Variants in JPH1 observed in about 807,000 individuals in gnomAD.
JPH1 encodes junctophilin 1.
Under a neutral mutation model 53.6 loss-of-function variants are expected in JPH1, and 12 were observed. The observed-to-expected ratio is 0.22, with a 90% CI of 0.14 to 0.36. JPH1 has a LOEUF of 0.36. JPH1 is among the 10% of genes least tolerant of loss of function. The pLI is 1.00. For missense variants in JPH1, 808 were observed against 905.5 expected (o/e 0.89, Z 1.38); for synonymous variants, 375 against 363.8 (o/e 1.03, Z -0.35).
chr8:74,307,588 ATTTC>A (rs1432913548), intron 2 of JPH1, among the ~76,000 whole-genome samples: 3 of 152,230 alleles, frequency 2.0e-5, no homozygotes, highest in Admixed American at 6.5e-5. Flanking sequence ...TTGTCCTAAA[ATTTC>A]TTTAACTATT....
intron 4 of JPH1, 33 bp from the exon 5 acceptor site, chr8:74,237,336 T>A: frequency 6.6e-7 from 1 of 1,505,086 alleles, no homozygotes; most frequent in African/African-American, 1.4e-5. Flanking sequence ...TAACTATAAC[T>A]TCTCCATGTT....
chr8:74,290,549 T>C (rs1204637715), intron 2 of JPH1, among the ~76,000 whole-genome samples: 1 of 152,204 alleles, frequency 6.6e-6, no homozygotes, highest in African/African-American at 2.4e-5. Flanking sequence ...AAAATGGCTA[T>C]ACTGCCCAAG....
At chr8:74,301,219 C>T (rs1807672617) in intron 2 of JPH1, among the ~76,000 whole-genome samples, 1 of 152,130 alleles carries the variant, frequency 6.6e-6, no homozygotes, top group Non-Finnish European at 1.5e-5. Flanking sequence ...GTCCTGGCCC[C>T]ACTTAAATTC....
At chr8:74,260,498 A>G (rs1806358689) in intron 2 of JPH1, among the ~76,000 whole-genome samples, 1 of 152,192 alleles carries the variant, frequency 6.6e-6, no homozygotes, top group African/African-American at 2.4e-5. Context: ...TGACTTTGTA[A>G]ATTTTCTATT....
At chr8:74,273,744 C>A (rs1806770297) in intron 2 of JPH1, among the ~76,000 whole-genome samples, 1 of 152,096 alleles carries the variant, frequency 6.6e-6, no homozygotes, top group African/African-American at 2.4e-5. Context: ...ATTCAGTAAC[C>A]CGATTTTATT....
At chr8:74,278,271 G>C (rs910784330) in intron 2 of JPH1, among the ~76,000 whole-genome samples, 11 of 152,178 alleles carry the variant, frequency 7.2e-5, no homozygotes, top group African/African-American at 2.7e-4. Context: ...TGCCATCCAT[G>C]TAAGACATGA....
At chr8:74,259,565 A>G in intron 2 of JPH1, 62 bp from the exon 3 acceptor site, 2 of 1,173,492 alleles carry the variant, frequency 1.7e-6, no homozygotes, top group Non-Finnish European at 2.3e-6. Context: ...CACAGGGACA[A>G]GCAAATTGTA....
rs116691734 is a variant in JPH1 at position 74,237,534 on chromosome 8, C to T, written c.1906-231G>A. Among the ~76,000 whole-genome samples the T allele has an allele frequency of 4.6e-3, 702 of 152,308 alleles. 6 individuals are homozygous for T. The highest frequency in any genetic ancestry group is 0.016 in the African/African-American group (658 of 41,572). On this transcript the variant is annotated intron_variant, in intron 4 of 5. Coordinates refer to ENST00000342232, the MANE Select transcript of JPH1 (RefSeq NM_020647.4). ...ATCCAGGCTTGAATTAGTTTAAAAA[C>T]GTTTTAAACAACTGATCCACTTCAT...
In JPH1 at chr8:74,321,077, C is replaced by T. The variant is rs1231416999; in HGVS notation, c.211G>A (p.Gly71Arg). ...TTGCCCTTCGTCTCCACCCCCAGCC[C>T]GTGCCGCTTGCCCTGCGCCCAGTAG... Reference protein sequence around the residue: ...QGYWAQGKRHGLGVETKGKWM... With the variant: ...QGYWAQGKRHRLGVETKGKWM... The change falls in exon 1 of 6, where the codon GGG becomes AGG. Residue 71 changes from glycine (G) to arginine (R), a missense_variant. Around this residue, in one of 2 missense-constraint regions of JPH1, gnomAD observed 756 missense variants for 811.9 expected, o/e 0.93. Transcript: ENST00000342232. The surrounding 1 kb of genome is among the most constrained non-coding windows in gnomAD (Gnocchi z 4.3). 6.2e-7 allele frequency: 1 copy of T among 1,613,390 alleles called. No homozygotes were observed. The highest frequency in any genetic ancestry group is 8.5e-7 in the Non-Finnish European group (1 of 1,179,726).
intron 2 of JPH1, among the ~76,000 whole-genome samples, chr8:74,297,697 CAACT>C (rs1348783371): frequency 6.6e-6 from 1 of 152,146 alleles, no homozygotes; most frequent in Non-Finnish European, 1.5e-5. Context: ...ATTTTGCACA[CAACT>C]AATAAAAACT....
At chr8:74,259,788 C>T (rs1806340037) in intron 2 of JPH1, among the ~76,000 whole-genome samples, 2 of 152,166 alleles carry the variant, frequency 1.3e-5, no homozygotes, top group Admixed American at 1.3e-4. Context: ...CTTACTGGAT[C>T]AAATCTCCTG....
intron 3 of JPH1, among the ~76,000 whole-genome samples, chr8:74,246,698 C>T (rs1805872243): frequency 6.6e-6 from 1 of 152,158 alleles, no homozygotes; most frequent in South Asian, 2.1e-4. Context: ...TGAGCACCCA[C>T]CATCGCAAGT....
rs181585794 is a variant in JPH1, at chr8:74,256,863, C to T, written c.1258+2522G>A. Among the ~76,000 whole-genome samples, 8 of 152,288 alleles carry T rather than the reference C, an allele frequency of 5.3e-5. No individual in the cohort carries two copies. The East Asian group carries it at 5.8e-4, about 11-fold the overall frequency. On this transcript the variant is annotated intron_variant, in intron 3 of 5. Transcript: ENST00000342232. ...GAAAATAGGTAATTTGCCATGGAAG[C>T]GTTCAACATGTAAGCTATGACAGGC...
chr8:74,292,362 G>A (rs1253400819), intron 2 of JPH1, among the ~76,000 whole-genome samples: 4 of 152,114 alleles, frequency 2.6e-5, no homozygotes, highest in Non-Finnish European at 5.9e-5. Context: ...TCTACTCAAG[G>A]AAGCGACATC....
chr8:74,291,212 A>T (rs1807316691), intron 2 of JPH1, among the ~76,000 whole-genome samples: 1 of 152,260 alleles, frequency 6.6e-6, no homozygotes, highest in Non-Finnish European at 1.5e-5. Flanking sequence ...GAATGGGAGA[A>T]AATTTTTACA....
rs1286404240 is a variant in JPH1 at position 74,315,138 on chromosome 8, C to T, written c.862G>A (p.Asp288Asn). ...CTAACGCCGAAGCCGTTGCGCTTGT[C>T]GTTCTTCCACTCGCCCATGTAGGTT... is the stretch of plus-strand genomic sequence containing the variant. Reference protein sequence around the residue: ...TETYMGEWKNDKRNGFGVSER... With the variant: ...TETYMGEWKNNKRNGFGVSER... The change falls in exon 2 of 6, where the codon GAC becomes AAC. Residue 288 changes from aspartate to asparagine, a missense_variant. By Grantham distance (23) the Asp-to-Asn change is conservative. This residue lies in a region of JPH1 where 756 missense variants were observed against 811.9 expected (regional missense o/e 0.93). Transcript: ENST00000342232. The surrounding 1 kb of genome is among the most constrained non-coding windows in gnomAD (Gnocchi z 6.3). 1 of 1,614,230 alleles carries T rather than the reference C, an allele frequency of 6.2e-7. No homozygotes were observed. Among genetic ancestry groups the T allele is most frequent in the Non-Finnish European group, 8.5e-7 (1 of 1,180,040 alleles).
At chr8:74,260,288 C>A (rs893323886) in intron 2 of JPH1, among the ~76,000 whole-genome samples, 2 of 152,140 alleles carry the variant, frequency 1.3e-5, no homozygotes, top group Non-Finnish European at 2.9e-5. Flanking sequence ...CTCATGGAAA[C>A]CTCTCATCTT....
intron 2 of JPH1, among the ~76,000 whole-genome samples, chr8:74,285,762 A>C (rs935533623): frequency 6.6e-6 from 1 of 152,226 alleles, no homozygotes; most frequent in African/African-American, 2.4e-5. Flanking sequence ...CTGAATTCTA[A>C]AACATATCTG....
intron 2 of JPH1, among the ~76,000 whole-genome samples, chr8:74,263,872 A>C (rs977403435): frequency 1.2e-4 from 18 of 152,218 alleles, no homozygotes; most frequent in African/African-American, 4.3e-4. Flanking sequence ...AGAGACCTAA[A>C]TTTGAGAAAA....
Sources: gnomAD v4.1 joint callset for allele counts (sites outside exome capture counted in the v4.1 genomes callset) on GRCh38, gnomAD v4.1.1 for gene constraint, gnomAD v4.1.1 regional missense constraint, Gnocchi (gnomAD v3.1) non-coding constraint, MANE v1.5 for transcripts, NCBI Gene and HGNC (gene_info 2026-07-23, HGNC 2026-07-21) for gene names.